Variants in TRPM6 observed in about 807,000 individuals in gnomAD.
The protein encoded by TRPM6 is transient receptor potential cation channel subfamily M member 6, also known as channel kinase 2.
In TRPM6, 111 loss-of-function variants were observed where a neutral mutation model predicts 247.6. The observed-to-expected ratio is 0.45, with a 90% CI of 0.38 to 0.52. The LOEUF is 0.52. Among genes scored for constraint, TRPM6 ranks in the 20% least tolerant of loss-of-function variants. The pLI is 0.00. For synonymous variants in TRPM6, 892 were observed against 853.8 expected (o/e 1.04, Z -0.78); for missense variants, 2,126 against 2,421.5 (o/e 0.88, Z 2.56).
intron 9 of TRPM6, among the ~76,000 whole-genome samples, chr9:74,818,872 T>C (rs1177594964): frequency 4.6e-5 from 7 of 152,204 alleles, no homozygotes; most frequent in African/African-American, 1.7e-4. Flanking sequence ...GTTTTTTTTT[T>C]TGAGGCCAGG....
intron 17 of TRPM6, among the ~76,000 whole-genome samples, chr9:74,797,932 C>G (rs192926840): frequency 1.3e-5 from 2 of 152,146 alleles, no homozygotes; most frequent in Non-Finnish European, 2.9e-5. Context: ...AGATCCATCT[C>G]CCATCCCACA....
At chr9:74,748,743 GT>G (rs1464928341) in intron 30 of TRPM6, among the ~76,000 whole-genome samples, 1 of 152,134 alleles carries the variant, frequency 6.6e-6, no homozygotes, top group African/African-American at 2.4e-5. Context: ...ATTTTTAAAT[GT>G]TTTACAGTTT....
At chr9:74,882,002 A>C (rs1831379753) in intron 1 of TRPM6, among the ~76,000 whole-genome samples, 1 of 152,204 alleles carries the variant, frequency 6.6e-6, no homozygotes, top group African/African-American at 2.4e-5. Context: ...ATTTATATGC[A>C]GCAGAATGAA....
intron 25 of TRPM6, among the ~76,000 whole-genome samples, chr9:74,765,527 T>C (rs1564004010): frequency 6.6e-6 from 1 of 152,182 alleles, no homozygotes; most frequent in Non-Finnish European, 1.5e-5. Flanking sequence ...AGTTTCAGTT[T>C]CTCAATAATG....
At position 74,852,321 on chromosome 9, in the gene TRPM6, A is replaced by T. The variant is rs10869447; in HGVS notation, c.152+3206T>A. 2.0e-5 allele frequency among the ~76,000 whole-genome samples: 3 copies of T among 151,070 alleles called. No homozygotes were observed. In the South Asian group the frequency reaches 6.3e-4, roughly 32 times the overall value. On this transcript the variant is annotated intron_variant, in intron 3 of 38. Transcript: ENST00000360774. ...ATCCCCCAGCCTCAATCTCCTGAGT[A>T]GCTAGGACTACAAGCATGTGCCCAC...
intron 17 of TRPM6, among the ~76,000 whole-genome samples, chr9:74,798,265 C>CT (rs67897159): frequency 0.16 from 22,940 of 145,244 alleles, 1,706 homozygotes; most frequent in East Asian, 0.24. Flanking sequence ...TGTCAACCTT[C>CT]TTTTTTTTTT....
At chr9:74,726,053 A>G (rs555615899) in intron 38 of TRPM6, among the ~76,000 whole-genome samples, 4 of 152,352 alleles carry the variant, frequency 2.6e-5, no homozygotes, top group Admixed American at 6.5e-5. Context: ...GTCAAACAAA[A>G]ATGAAAAATC....
At chr9:74,785,592 G>A (rs150838214) in intron 21 of TRPM6, among the ~76,000 whole-genome samples, 741 of 152,028 alleles carry the variant, frequency 4.9e-3, no homozygotes, top group Non-Finnish European at 7.5e-3. Context: ...GCGCAATCTC[G>A]GCTCACTGCA....
intron 37 of TRPM6, among the ~76,000 whole-genome samples, chr9:74,728,691 T>C (rs1825419066): frequency 6.6e-6 from 1 of 152,218 alleles, no homozygotes; most frequent in Non-Finnish European, 1.5e-5. Context: ...CATTACCAAA[T>C]GTTCTACTAG....
chr9:74,728,294 T>C lies in TRPM6; in HGVS notation c.5880A>G (p.Arg1960=). Reference sequence around the variant, plus strand: ...TACAATGATGTTTTGCAATGAAGTTTCTAATTGCATCTTCCCCCAAATTGG... The same window carrying C: ...TACAATGATGTTTTGCAATGAAGTTCCTAATTGCATCTTCCCCCAAATTGG... The part of the protein sequence containing the change: ...GPANLGEDAI[R]NFIAKHHCNS... Residue 1960 remains arginine (R), a synonymous_variant, in exon 38 of 39, where the codon AGA becomes AGG. Transcript: ENST00000360774. The C allele has an allele frequency of 6.2e-7, 1 of 1,614,170 alleles. No homozygotes were observed. Among genetic ancestry groups the C allele is most frequent in the African/African-American group, 1.3e-5 (1 of 75,040 alleles).
intron 23 of TRPM6, 110 bp from the exon 24 acceptor site, chr9:74,776,186 T>C: frequency 3.3e-6 from 3 of 922,332 alleles, no homozygotes. Flanking sequence ...TACCGGCAGT[T>C]ACCCAATACA....
chr9:74,770,127 A>G (rs1431108900), intron 25 of TRPM6, among the ~76,000 whole-genome samples: 5 of 152,220 alleles, frequency 3.3e-5, no homozygotes, highest in Admixed American at 3.3e-4. Context: ...GCACAGAAAC[A>G]CAGATTTATA....
intron 20 of TRPM6, 116 bp from the exon 21 acceptor site, chr9:74,786,241 C>T (rs1827659621): frequency 8.8e-7 from 1 of 1,130,252 alleles, no homozygotes; most frequent in Non-Finnish European, 1.3e-6. Context: ...ACCTGCCAAA[C>T]CTTAAATCAC....
intron 6 of TRPM6, 64 bp from the exon 7 acceptor site, chr9:74,828,013 C>A: frequency 6.5e-7 from 1 of 1,526,984 alleles, no homozygotes; most frequent in Non-Finnish European, 9.0e-7. Flanking sequence ...TCACCTGCTC[C>A]AAAGGCCTAT....
chr9:74,731,392 A>G (rs1162856657), intron 37 of TRPM6, among the ~76,000 whole-genome samples: 2 of 151,980 alleles, frequency 1.3e-5, no homozygotes, highest in East Asian at 3.9e-4. Flanking sequence ...TAGCAGAGCT[A>G]AAGTGAAACA....
At chr9:74,781,015 T>A (rs1043410548) in intron 23 of TRPM6, among the ~76,000 whole-genome samples, 2 of 152,106 alleles carry the variant, frequency 1.3e-5, no homozygotes, top group African/African-American at 4.8e-5. Flanking sequence ...AATTTCTAAC[T>A]GGTGAAGGAA....
At chr9:74,810,703 A>T in intron 13 of TRPM6, 112 bp downstream of exon 13, 1 of 896,228 alleles carries the variant, frequency 1.1e-6, no homozygotes, top group Admixed American at 1.7e-5. Flanking sequence ...GAAGATAGGT[A>T]ATTAACAAAA....
chr9:74,790,085 A>G (rs1827852408), intron 19 of TRPM6, among the ~76,000 whole-genome samples: 1 of 147,756 alleles, frequency 6.8e-6, no homozygotes, highest in Non-Finnish European at 1.5e-5. Flanking sequence ...CCTATTTCTC[A>G]TACATTTTTA....
rs1309369575 is a variant in TRPM6 at position 74,752,301 on chromosome 9, A to C, written c.4974T>G (p.Ser1658Arg). 1.3e-6 allele frequency: 2 copies of C among 1,599,558 alleles called. No individual in the cohort carries two copies. The highest frequency in any genetic ancestry group is 3.4e-5 in the Admixed American group (2 of 59,674). The change falls in exon 29 of 39, where the codon AGT becomes AGG. Residue 1658 changes from serine to arginine, a missense_variant. Physicochemically the swap from Ser to Arg is moderately radical, Grantham distance 110 (BLOSUM62 -1). Transcript: ENST00000360774. ...KEIGQCAIQI[S>R]DYLKQSQEDL... ...CCTCTTGAGACTGCTTTAGGTAATC[A>C]CTGATTTGTATAGCACATTGTCCAA... is the stretch of plus-strand genomic sequence containing the variant.
Sources: gnomAD v4.1 joint callset for allele counts (sites outside exome capture counted in the v4.1 genomes callset) on GRCh38, gnomAD v4.1.1 for gene constraint, MANE v1.5 for transcripts, NCBI Gene and HGNC (gene_info 2026-07-23, HGNC 2026-07-21) for gene names.